The following CTNND2 variants were observed in gnomAD, a reference collection of about 807,000 sequenced individuals.
The protein encoded by CTNND2 is catenin delta 2, also known as catenin delta-2.
In CTNND2, 22 loss-of-function variants were observed where a neutral mutation model predicts 144.4. The observed-to-expected ratio is 0.15, with a 90% confidence interval of 0.11 to 0.22. CTNND2 has a LOEUF of 0.22. Ranked by LOEUF, CTNND2 falls within the 10% of genes least tolerant of loss-of-function variation. The pLI, the probability that CTNND2 is intolerant of heterozygous loss-of-function variation, is 1.00. For missense variants in CTNND2, 1,353 were observed against 1,618.8 expected, an observed-to-expected ratio of 0.84 and a Z score of 2.82; for synonymous variants, 751 against 695.6, an observed-to-expected ratio of 1.08 and a Z score of -1.25.
chr5:11,420,474 T>C (rs1354129503), intron 3 of CTNND2, among the ~76,000 whole-genome samples: 3 of 152,164 alleles, frequency 2.0e-5, no homozygotes, highest in Admixed American at 2.0e-4. Context: ...CTCCCAAGAA[T>C]AGCCATGGGT....
At chr5:11,449,022 T>TA (rs1765084800) in intron 3 of CTNND2, among the ~76,000 whole-genome samples, 1 of 151,882 alleles carries the variant, frequency 6.6e-6, no homozygotes, top group African/African-American at 2.4e-5. Flanking sequence ...TTTTTTTTTT[T>TA]AATCCTGGAG....
chr5:11,205,602 C>T (rs2149837580), intron 10 of CTNND2, among the ~76,000 whole-genome samples: 1 of 152,242 alleles, frequency 6.6e-6, no homozygotes, highest in East Asian at 1.9e-4. Flanking sequence ...CAATTTACCT[C>T]ACTGAATTTC....
chr5:11,737,985 A>G (rs1179733484), intron 1 of CTNND2, among the ~76,000 whole-genome samples: 3 of 152,240 alleles, frequency 2.0e-5, no homozygotes, highest in Admixed American at 1.3e-4. Context: ...GTATTGTGCT[A>G]TGGCGGCACA....
At chr5:11,043,613 C>T (rs1744917159) in intron 16 of CTNND2, among the ~76,000 whole-genome samples, 1 of 152,024 alleles carries the variant, frequency 6.6e-6, no homozygotes, top group African/African-American at 2.4e-5. Context: ...CTTAGAAGAC[C>T]AAAAATGGAC....
At chr5:11,172,572 G>C (rs1343500458) in intron 11 of CTNND2, among the ~76,000 whole-genome samples, 2 of 152,180 alleles carry the variant, frequency 1.3e-5, no homozygotes, top group Non-Finnish European at 2.9e-5. Flanking sequence ...GGAAGACAAT[G>C]ATAGGAAAAT....
chr5:10,985,278 C>T (rs1399569249), intron 20 of CTNND2, among the ~76,000 whole-genome samples: 1 of 152,094 alleles, frequency 6.6e-6, no homozygotes, highest in Non-Finnish European at 1.5e-5. Context: ...GAACTGAACA[C>T]GTGAGGTTCC....
At chr5:11,275,344 T>C (rs1746420856) in intron 9 of CTNND2, among the ~76,000 whole-genome samples, 2 of 152,274 alleles carry the variant, frequency 1.3e-5, no homozygotes, top group East Asian at 1.9e-4. Flanking sequence ...CAACAACTGG[T>C]AAGCAGTGAT....
intron 3 of CTNND2, among the ~76,000 whole-genome samples, chr5:11,497,493 G>A (rs933011601): frequency 8.0e-6 from 1 of 125,078 alleles, no homozygotes; most frequent in Non-Finnish European, 1.6e-5. Context: ...TGACATCCAT[G>A]AGGCAAAGAA....
chr5:11,858,951 AAAC>A (rs1420325299), intron 1 of CTNND2, among the ~76,000 whole-genome samples: 1 of 152,226 alleles, frequency 6.6e-6, no homozygotes, highest in East Asian at 1.9e-4. Flanking sequence ...AGTAAGAATA[AAAC>A]AACAATAAAA....
In CTNND2 at chr5:11,098,128, GTTCTTTTCTT is replaced by G. The variant is rs3032097; in HGVS notation, c.2637+437_2637+446del. Among the ~76,000 whole-genome samples the G allele has an allele frequency of 2.8e-3, 428 of 151,408 alleles. 18 individuals carry two copies. In the East Asian group the frequency reaches 0.072, roughly 26 times the overall value. Reference sequence around the variant, plus strand: ...AGCCCATGCTTTAAAAACATAAGGGGTTCTTTTCTTTTCTTTTCTTTTCTTTTGGGGCTGG... The same window carrying G: ...AGCCCATGCTTTAAAAACATAAGGGGTTCTTTTCTTTTCTTTTGGGGCTGG... On this transcript the variant is annotated intron_variant, in intron 15 of 21. Coordinates refer to ENST00000304623, the MANE Select transcript of CTNND2 (RefSeq NM_001332.4).
chr5:11,742,446 C>T lies in CTNND2; in HGVS notation c.38-10174G>A, dbSNP rs555387694. 1.4e-4 allele frequency among the ~76,000 whole-genome samples: 21 copies of T among 152,266 alleles called. No homozygotes were observed. The South Asian group carries it at 4.4e-3, about 32-fold the overall frequency. ...ACAAGAGAACCCTGTTACAGCCACA[C>T]TTAGCCTTCTTTCCTTCTCTCATGT... is the stretch of plus-strand genomic sequence containing the variant. On this transcript the variant is annotated intron_variant, in intron 1 of 21. Transcript: ENST00000304623.
At chr5:11,633,775 C>CAAAAAAAAAAAA (rs71595827) in intron 2 of CTNND2, among the ~76,000 whole-genome samples, 1 of 136,414 alleles carries the variant, frequency 7.3e-6, no homozygotes. Flanking sequence ...GGCACTGTCT[C>CAAAAAAAAAAAA]AAAAAAAAAA....
At chr5:11,603,487 A>G (rs1779905438) in intron 2 of CTNND2, among the ~76,000 whole-genome samples, 1 of 152,186 alleles carries the variant, frequency 6.6e-6, no homozygotes, top group African/African-American at 2.4e-5. Flanking sequence ...GTAAGTATCC[A>G]AGATTACCCT....
At chr5:11,308,215 T>C (rs957105487) in intron 9 of CTNND2, among the ~76,000 whole-genome samples, 4 of 150,202 alleles carry the variant, frequency 2.7e-5, no homozygotes, top group African/African-American at 1.0e-4. Context: ...TCTGCTTAGA[T>C]TATAATTACT....
intron 2 of CTNND2, among the ~76,000 whole-genome samples, chr5:11,652,754 C>G (rs1328668004): frequency 6.6e-6 from 1 of 152,116 alleles, no homozygotes. Flanking sequence ...TTATGACCTA[C>G]TCTTTCAGCA....
At chr5:11,020,092 C>G (rs564172604) in intron 17 of CTNND2, among the ~76,000 whole-genome samples, 1 of 152,198 alleles carries the variant, frequency 6.6e-6, no homozygotes, top group Non-Finnish European at 1.5e-5. Context: ...GCTGTCAACA[C>G]AGCTGTGCCA....
At chr5:11,146,719 A>G (rs576627287) in intron 12 of CTNND2, among the ~76,000 whole-genome samples, 1 of 152,216 alleles carries the variant, frequency 6.6e-6, no homozygotes. Context: ...ACATGAGCAC[A>G]TCGTGAGGAC....
intron 8 of CTNND2, among the ~76,000 whole-genome samples, chr5:11,359,680 G>C (rs1756247493): frequency 6.6e-6 from 1 of 152,164 alleles, no homozygotes; most frequent in African/African-American, 2.4e-5. Flanking sequence ...TCTATTCAAA[G>C]CCTGGGGCCA....
chr5:11,109,471 A>G (rs1261327004), intron 14 of CTNND2, among the ~76,000 whole-genome samples: 2 of 152,234 alleles, frequency 1.3e-5, no homozygotes, highest in Admixed American at 6.5e-5. Flanking sequence ...AAGAACACCA[A>G]TGCCAAAGGT....
Sources: allele counts gnomAD v4.1 joint callset (sites outside exome capture counted in the v4.1 genomes callset), GRCh38; gene constraint gnomAD v4.1.1; transcripts MANE v1.5; gene names NCBI Gene and HGNC (gene_info 2026-07-23, HGNC 2026-07-21).